Variants in MKLN1 observed in about 807,000 individuals in gnomAD.
MKLN1 encodes muskelin.
A neutral mutation model predicts 99.0 loss-of-function variants in MKLN1; 18 were observed. The ratio of observed to expected loss-of-function variants is 0.18; its 90% CI spans 0.13 to 0.27. The LOEUF (loss-of-function observed/expected upper bound fraction) is 0.27, where lower values mean the gene tolerates loss of function less well. MKLN1 is among the 10% of genes least tolerant of loss of function. The pLI, the probability that MKLN1 is intolerant of heterozygous loss-of-function variation, is 1.00. For synonymous variants in MKLN1, 288 were observed against 293.2 expected (o/e 0.98, Z 0.18); for missense variants, 621 against 875.9 (o/e 0.71, Z 3.67).
intron 3 of MKLN1, among the ~76,000 whole-genome samples, chr7:131,304,823 C>T (rs1415546122): frequency 1.3e-5 from 2 of 152,006 alleles, no homozygotes; most frequent in African/African-American, 2.4e-5. Context: ...TGTTTGTGTC[C>T]CCTCCAAAAT....
chr7:131,117,482 TA>T (rs1206150929), intron 1 of MKLN1, among the ~76,000 whole-genome samples: 1 of 149,672 alleles, frequency 6.7e-6, no homozygotes, highest in Admixed American at 6.6e-5. Flanking sequence ...AAAGAAAAAA[TA>T]AAAAACAGGT....
intron 12 of MKLN1, among the ~76,000 whole-genome samples, chr7:131,452,792 G>T (rs550637712): frequency 6.6e-6 from 1 of 151,914 alleles, no homozygotes; most frequent in Non-Finnish European, 1.5e-5. Flanking sequence ...CTTGTGATCC[G>T]CCCGCCTCGG....
chr7:131,226,272 T>G (rs895505450), intron 3 of MKLN1, among the ~76,000 whole-genome samples: 3 of 152,194 alleles, frequency 2.0e-5, no homozygotes, highest in African/African-American at 7.2e-5. Flanking sequence ...TAGATGGGTT[T>G]CAGCCCAAGA....
At chr7:131,125,475 C>G (rs1795439112) in intron 1 of MKLN1, among the ~76,000 whole-genome samples, 2 of 152,180 alleles carry the variant, frequency 1.3e-5, no homozygotes, top group African/African-American at 4.8e-5. Context: ...ACAAGACTCC[C>G]TCTGGCCAGG....
Position 131,192,213 on chromosome 7 carries a change from A to T in MKLN1, c.-296-10644A>T, listed in dbSNP as rs1563247512. Among the ~76,000 whole-genome samples the T allele has an allele frequency of 4.5e-5, 3 of 66,498 alleles. 1 individual carries two copies. The highest frequency in any genetic ancestry group is 2.2e-4 in the African/African-American group (3 of 13,664). The allele number at this position is 66,498 out of a possible 152,430, so 43.6% of individuals were successfully genotyped here. A position where few individuals can be genotyped will look rare whatever the true frequency, so the allele number is the denominator to read the frequency against. On this transcript the variant is annotated intron_variant, in intron 2 of 7. Coordinates refer to the MKLN1 transcript ENST00000416992. Reference sequence around the variant, plus strand: ...AAAATATAATATATACAATATATAAATATATAAAATATATACAATATATAA... The same window carrying T: ...AAAATATAATATATACAATATATAATTATATAAAATATATACAATATATAA...
intron 1 of MKLN1, among the ~76,000 whole-genome samples, chr7:131,116,871 G>A (rs921375952): frequency 2.0e-5 from 3 of 152,130 alleles, no homozygotes; most frequent in Non-Finnish European, 2.9e-5. Context: ...TGGCTGGCCA[G>A]GCTGGGAAGC....
At chr7:131,422,739 G>GTT (rs983483448) in intron 8 of MKLN1, among the ~76,000 whole-genome samples, 18 of 147,860 alleles carry the variant, frequency 1.2e-4, no homozygotes, top group Admixed American at 5.4e-4. Context: ...AGTCTGTAGG[G>GTT]TTTTTTTTTT....
In MKLN1 at chr7:131,155,007, A is replaced by T. The variant is rs1795943382; in HGVS notation, c.-297+12066A>T. On this transcript the variant is annotated intron_variant, in intron 2 of 7. Transcript: ENST00000416992. ...ACATTTTAGACATTTACACTGACAT[A>T]GTTCTGCCAATCTATGTCAGGTAGA... is the stretch of plus-strand genomic sequence containing the variant. 2.0e-5 allele frequency among the ~76,000 whole-genome samples: 3 copies of T among 152,310 alleles called. No homozygotes were observed. The South Asian group carries it at 6.2e-4, about 32-fold the overall frequency.
At position 131,334,496 on chromosome 7, in the gene MKLN1, G is replaced by C. The variant is rs191630787; in HGVS notation, c.98+6499G>C. Among the ~76,000 whole-genome samples the C allele has an allele frequency of 8.7e-4, 132 of 152,290 alleles. 1 individual carries two copies. Among genetic ancestry groups the C allele is most frequent in the Non-Finnish European group, 1.6e-3 (106 of 68,014 alleles). On this transcript the variant is annotated intron_variant, in intron 1 of 17. Coordinates refer to ENST00000352689, the MANE Select transcript of MKLN1 (RefSeq NM_013255.5). ...CTGATTCCTAGAATTAGATATTTGT[G>C]ACTTTTGGCAAGTTATGATTCTTTT...
At chr7:131,259,340 G>A (rs915815109) in intron 3 of MKLN1, among the ~76,000 whole-genome samples, 1 of 152,098 alleles carries the variant, frequency 6.6e-6, no homozygotes, top group African/African-American at 2.4e-5. Flanking sequence ...CAGAAATGGA[G>A]ACAGAATAGA....
intron 1 of MKLN1, among the ~76,000 whole-genome samples, chr7:131,133,819 G>GT (rs1563226557): frequency 0.028 from 1,900 of 67,178 alleles, 466 homozygotes; most frequent in Middle Eastern, 0.045. Flanking sequence ...TTTTTAATTT[G>GT]GTTTTTTTTT....
At chr7:131,200,268 ATTTC>A (rs1796707924) in intron 2 of MKLN1, among the ~76,000 whole-genome samples, 1 of 152,174 alleles carries the variant, frequency 6.6e-6, no homozygotes, top group East Asian at 1.9e-4. Flanking sequence ...TTATTTAATT[ATTTC>A]TTTATGAAAA....
At chr7:131,237,469 T>C (rs1027091102) in intron 3 of MKLN1, among the ~76,000 whole-genome samples, 1 of 152,122 alleles carries the variant, frequency 6.6e-6, no homozygotes, top group African/African-American at 2.4e-5. Flanking sequence ...TAGTAGATAT[T>C]AGGATGTACG....
chr7:131,293,595 G>A (rs949151243), intron 3 of MKLN1, among the ~76,000 whole-genome samples: 5 of 152,116 alleles, frequency 3.3e-5, no homozygotes, highest in African/African-American at 9.7e-5. Context: ...GATCACCTGA[G>A]GCCAGGAATT....
chr7:131,434,255 G>C (rs1795612899), intron 9 of MKLN1, among the ~76,000 whole-genome samples: 1 of 152,104 alleles, frequency 6.6e-6, no homozygotes. Flanking sequence ...ATTTATTTTA[G>C]TCTTCATTAT....
intron 1 of MKLN1, among the ~76,000 whole-genome samples, chr7:131,115,844 A>G (rs1795268782): frequency 6.6e-6 from 1 of 152,252 alleles, no homozygotes; most frequent in African/African-American, 2.4e-5. Context: ...GCCCTCCCTG[A>G]CCACGCCACC....
intron 4 of MKLN1, among the ~76,000 whole-genome samples, chr7:131,389,512 CCAT>C (rs1370724162): frequency 6.6e-6 from 1 of 151,272 alleles, no homozygotes; most frequent in Non-Finnish European, 1.5e-5. Flanking sequence ...ATTTAATGAC[CCAT>C]CGATAGGTTG....
rs142842810 is a variant in MKLN1, at chr7:131,180,400, T to C, written c.-296-22457T>C. 7.2e-5 allele frequency among the ~76,000 whole-genome samples: 11 copies of C among 152,274 alleles called. No individual in the cohort carries two copies. The East Asian group carries it at 2.1e-3, about 29-fold the overall frequency. On this transcript the variant is annotated intron_variant, in intron 2 of 7. Coordinates refer to the MKLN1 transcript ENST00000416992. The stretch of plus-strand genomic sequence containing the variant: ...CAATATAAAAGAAGAAACCAATGTT[T>C]TATGAAAGCTGTTTAAGGCCGGGCG...
Position 131,213,186 on chromosome 7 carries a change from T to G in MKLN1, c.-179+10212T>G, listed in dbSNP as rs191041646. Among the ~76,000 whole-genome samples the G allele has an allele frequency of 2.4e-3, 363 of 152,290 alleles. 3 individuals carry two copies. The highest frequency in any genetic ancestry group is 0.015 in the Admixed American group (233 of 15,304). ...ACAATACAAAGTATTGTTTTGTGTT[T>G]GTAAAGTATAAAGGAAAACTATATT... On this transcript the variant is annotated intron_variant, in intron 3 of 7. Coordinates refer to the MKLN1 transcript ENST00000416992.
Sources: allele counts gnomAD v4.1 joint callset (sites outside exome capture counted in the v4.1 genomes callset), GRCh38; gene constraint gnomAD v4.1.1; transcripts MANE v1.5; gene names NCBI Gene and HGNC (gene_info 2026-07-23, HGNC 2026-07-21).